Variants in MYO1D observed in about 807,000 individuals in gnomAD.
The protein encoded by MYO1D is myosin ID, also known as unconventional myosin-Id.
A neutral mutation model predicts 122.0 loss-of-function variants in MYO1D; 83 were observed. The ratio of observed to expected loss-of-function variants is 0.68; its 90% CI spans 0.57 to 0.82. The LOEUF is 0.82. Ranked by LOEUF, MYO1D falls within the 40% of genes least tolerant of loss-of-function variation. The pLI is 0.00. For synonymous variants in MYO1D, 464 were observed against 446.9 expected, an observed-to-expected ratio of 1.04 and a Z score of -0.48; for missense variants, 1,157 against 1,269.5, an observed-to-expected ratio of 0.91 and a Z score of 1.35.
intron 21 of MYO1D, among the ~76,000 whole-genome samples, chr17:32,564,720 G>C (rs1458768292): frequency 6.6e-6 from 1 of 152,178 alleles, no homozygotes; most frequent in Non-Finnish European, 1.5e-5. Flanking sequence ...ACATAACAAA[G>C]AGCTGGAAGC....
At chr17:32,789,572 C>T (rs1216549623) in intron 1 of MYO1D, among the ~76,000 whole-genome samples, 1 of 152,222 alleles carries the variant, frequency 6.6e-6, no homozygotes, top group Non-Finnish European at 1.5e-5. Flanking sequence ...AAAAGATACA[C>T]TGAAATCCTA....
intron 21 of MYO1D, among the ~76,000 whole-genome samples, chr17:32,576,117 A>G (rs1355420241): frequency 6.6e-6 from 1 of 152,208 alleles, no homozygotes; most frequent in Non-Finnish European, 1.5e-5. Context: ...TCTTAGGTAG[A>G]TCAGGGGTGA....
intron 3 of MYO1D, among the ~76,000 whole-genome samples, chr17:32,777,318 C>G (rs1312809531): frequency 6.6e-6 from 1 of 152,130 alleles, no homozygotes; most frequent in African/African-American, 2.4e-5. Flanking sequence ...AGTGTAAGTT[C>G]TCTTCTTTTA....
At chr17:32,867,019 T>C (rs1323841135) in intron 1 of MYO1D, among the ~76,000 whole-genome samples, 3 of 152,220 alleles carry the variant, frequency 2.0e-5, no homozygotes, top group Non-Finnish European at 4.4e-5. Flanking sequence ...TCATCAGTTC[T>C]CTTTTCTAAA....
intron 1 of MYO1D, among the ~76,000 whole-genome samples, chr17:32,814,685 T>G (rs1238729107): frequency 1.3e-5 from 2 of 152,228 alleles, no homozygotes; most frequent in Non-Finnish European, 2.9e-5. Context: ...AATTTAAATA[T>G]TCACACTGGA....
chr17:32,598,018 G>A (rs1387240362), intron 21 of MYO1D, among the ~76,000 whole-genome samples: 2 of 151,582 alleles, frequency 1.3e-5, no homozygotes, highest in Non-Finnish European at 2.9e-5. Context: ...TCTTGTTCTT[G>A]TATTGGTAGC....
At chr17:32,682,390 C>T (rs1314224847) in intron 16 of MYO1D, among the ~76,000 whole-genome samples, 8 of 146,670 alleles carry the variant, frequency 5.5e-5, no homozygotes, top group African/African-American at 1.5e-4. Context: ...CGGCTGGTAC[C>T]GGTTGTTCCT....
intron 1 of MYO1D, among the ~76,000 whole-genome samples, chr17:32,825,572 T>C (rs2090714850): frequency 1.3e-5 from 2 of 152,198 alleles, no homozygotes; most frequent in Admixed American, 6.5e-5. Context: ...GGATTACAGG[T>C]GTGCACCACT....
intron 1 of MYO1D, among the ~76,000 whole-genome samples, chr17:32,871,499 T>A (rs760129375): frequency 6.6e-6 from 1 of 152,212 alleles, no homozygotes; most frequent in Non-Finnish European, 1.5e-5. Context: ...ATTGCTTTTA[T>A]GGAAGACAAA....
At chr17:32,563,732 T>G (rs1597900129) in intron 21 of MYO1D, among the ~76,000 whole-genome samples, 1 of 152,238 alleles carries the variant, frequency 6.6e-6, no homozygotes, top group African/African-American at 2.4e-5. Flanking sequence ...TGAGTTCTAC[T>G]TCATGAGAAG....
chr17:32,720,758 T>C (rs1440396513), intron 15 of MYO1D, among the ~76,000 whole-genome samples: 1 of 152,142 alleles, frequency 6.6e-6, no homozygotes, highest in Non-Finnish European at 1.5e-5. Context: ...CCACCCACAA[T>C]GTGATTTCAG....
intron 1 of MYO1D, among the ~76,000 whole-genome samples, chr17:32,821,310 A>T (rs1207833776): frequency 1.3e-5 from 2 of 152,158 alleles, no homozygotes; most frequent in Non-Finnish European, 2.9e-5. Flanking sequence ...AGGAATAATT[A>T]GTCATTCATA....
intron 6 of MYO1D, among the ~76,000 whole-genome samples, chr17:32,770,354 T>G (rs541242550): frequency 5.9e-5 from 9 of 152,270 alleles, no homozygotes; most frequent in African/African-American, 2.2e-4. Flanking sequence ...TAGAATTTTT[T>G]TAAATAAGGA....
chr17:32,741,644 T>C (rs904341838), intron 13 of MYO1D, among the ~76,000 whole-genome samples: 1 of 152,210 alleles, frequency 6.6e-6, no homozygotes, highest in African/African-American at 2.4e-5. Flanking sequence ...TCACTGCTAT[T>C]TGACTTCCCA....
intron 1 of MYO1D, among the ~76,000 whole-genome samples, chr17:32,795,345 A>C (rs1397228700): frequency 6.6e-6 from 1 of 152,082 alleles, no homozygotes; most frequent in Admixed American, 6.6e-5. Context: ...GAGAACACAT[A>C]CTTCATTGCC....
At chr17:32,859,858 T>C (rs1413753006) in intron 1 of MYO1D, among the ~76,000 whole-genome samples, 2 of 152,164 alleles carry the variant, frequency 1.3e-5, no homozygotes, top group Non-Finnish European at 2.9e-5. Context: ...AAATTCCTTC[T>C]TTCCTAAAAA....
At chr17:32,869,128 A>G (rs1393368801) in intron 1 of MYO1D, among the ~76,000 whole-genome samples, 1 of 151,992 alleles carries the variant, frequency 6.6e-6, no homozygotes, top group East Asian at 1.9e-4. Flanking sequence ...CTGAGGCATG[A>G]GAATCGCTTG....
At chr17:32,590,214 C>T (rs1433642382) in intron 21 of MYO1D, among the ~76,000 whole-genome samples, 1 of 152,154 alleles carries the variant, frequency 6.6e-6, no homozygotes, top group Non-Finnish European at 1.5e-5. Flanking sequence ...CCCCTTTGGT[C>T]CCCTGCAATC....
chr17:32,644,272 T>C (rs541074112), intron 19 of MYO1D, among the ~76,000 whole-genome samples: 1 of 152,366 alleles, frequency 6.6e-6, no homozygotes, highest in Admixed American at 6.5e-5. Context: ...TGCACAGGTC[T>C]GAGAGACAGT....
Sources: allele counts gnomAD v4.1 joint callset (sites outside exome capture counted in the v4.1 genomes callset), GRCh38; gene constraint gnomAD v4.1.1; transcripts MANE v1.5; gene names NCBI Gene and HGNC (gene_info 2026-07-23, HGNC 2026-07-21).